The following BOLL variants were observed in gnomAD, a reference collection of about 807,000 sequenced individuals.
The protein encoded by BOLL is boule RNA binding protein.
In BOLL, 23 loss-of-function variants were observed where a neutral mutation model predicts 44.4. The observed-to-expected ratio is 0.52, with a 90% confidence interval of 0.37 to 0.73. The LOEUF (loss-of-function observed/expected upper bound fraction) is 0.73, where lower values mean the gene tolerates loss of function less well. Among genes scored for constraint, BOLL ranks in the 30% least tolerant of loss-of-function variants. The pLI is 0.00. For synonymous variants in BOLL, 97 were observed against 110.8 expected, an observed-to-expected ratio of 0.88 and a Z score of 0.78; for missense variants, 287 against 338.3, an observed-to-expected ratio of 0.85 and a Z score of 1.19.
chr2:197,766,590 C>T lies in BOLL; in HGVS notation c.494G>A (p.Cys165Tyr). 1 of 1,611,988 alleles carries T rather than the reference C, an allele frequency of 6.2e-7. No individual in the cohort carries two copies. The highest frequency in any genetic ancestry group is 1.1e-5 in the South Asian group (1 of 90,836). Residue 165 changes from cysteine to tyrosine, a missense_variant, in exon 7 of 11, where the codon TGT becomes TAT. Coordinates refer to ENST00000392296, the MANE Select transcript of BOLL (RefSeq NM_033030.6). ...CTGAGCTACCATCACAGGGGAGCTA[C>T]ATACAGAACGTGACTATAAAAGGAT... Reference protein sequence around the residue: ...VPPPWPSRSVCSSPVMVAQPI... With the variant: ...VPPPWPSRSVYSSPVMVAQPI...
intron 7 of BOLL, among the ~76,000 whole-genome samples, chr2:197,763,567 G>A (rs1462826603): frequency 2.0e-5 from 3 of 149,596 alleles, no homozygotes; most frequent in African/African-American, 7.4e-5. Flanking sequence ...TTCCAACAAA[G>A]AAAAGTCCAG....
At chr2:197,756,667 T>C in intron 8 of BOLL, 111 bp from the exon 9 acceptor site, 25 of 1,109,876 alleles carry the variant, frequency 2.3e-5, no homozygotes, top group Non-Finnish European at 2.8e-5. Context: ...TACTAAATTT[T>C]TTTTTAGGAA....
chr2:197,778,951 T>C (rs968154190), intron 3 of BOLL, 24 bp downstream of exon 3: 3 of 1,573,858 alleles, frequency 1.9e-6, no homozygotes, highest in African/African-American at 2.7e-5. Context: ...GCTAATTCCA[T>C]AGACAATCTA....
At chr2:197,785,388 C>G, upstream of BOLL, 1 of 986,032 alleles carries the variant, frequency 1.0e-6, no homozygotes, top group Non-Finnish European at 1.2e-6. The surrounding 1 kb of genome is among the most constrained non-coding windows in gnomAD (Gnocchi z 6.7). Flanking sequence ...CGGGATGGCA[C>G]GTTGCCGCTG....
At chr2:197,773,715 C>T (rs1689374912) in intron 5 of BOLL, among the ~76,000 whole-genome samples, 1 of 151,826 alleles carries the variant, frequency 6.6e-6, no homozygotes, top group Admixed American at 6.6e-5. Flanking sequence ...AAGAAGGCTA[C>T]ATGGCTAAAG....
chr2:197,744,173 A>G (rs1687891087), intron 9 of BOLL, among the ~76,000 whole-genome samples: 1 of 152,144 alleles, frequency 6.6e-6, no homozygotes, highest in Non-Finnish European at 1.5e-5. Flanking sequence ...GGACATCTCA[A>G]TTCGGTCTTA....
chr2:197,767,237 C>A lies in BOLL; in HGVS notation c.481-634G>T, dbSNP rs142630048. 1.2e-3 allele frequency among the ~76,000 whole-genome samples: 183 copies of A among 152,012 alleles called. 3 individuals carry two copies. The highest frequency in any genetic ancestry group is 4.1e-3 in the African/African-American group (172 of 41,508). ...CAAAACAGATTACTTAAAACCAGAT[C>A]TTTAATAAAACAGGCAAGTTGTATT... On this transcript the variant is annotated intron_variant, in intron 6 of 10. Coordinates refer to ENST00000392296, the MANE Select transcript of BOLL (RefSeq NM_033030.6).
At chr2:197,763,261 T>A (rs1688841310) in intron 7 of BOLL, among the ~76,000 whole-genome samples, 1 of 152,020 alleles carries the variant, frequency 6.6e-6, no homozygotes, top group Non-Finnish European at 1.5e-5. Flanking sequence ...GGCGGGCAGA[T>A]CACGAGGTCA....
chr2:197,783,190 T>G (rs1218258667), intron 1 of BOLL, among the ~76,000 whole-genome samples: 1 of 152,128 alleles, frequency 6.6e-6, no homozygotes, highest in Non-Finnish European at 1.5e-5. Flanking sequence ...TGTTGTGGCT[T>G]GTGCCTGTAA....
intron 6 of BOLL, 151 bp from the exon 7 acceptor site, chr2:197,766,754 TCTA>T (rs1402796924): frequency 1.9e-5 from 11 of 592,490 alleles, no homozygotes; most frequent in African/African-American, 9.4e-5. Context: ...GATTACCAAC[TCTA>T]CTAAGTCTAT....
intron 9 of BOLL, among the ~76,000 whole-genome samples, chr2:197,745,054 G>A (rs1361716093): frequency 6.6e-6 from 1 of 152,206 alleles, no homozygotes; most frequent in Non-Finnish European, 1.5e-5. Context: ...GGTAAAGTTT[G>A]TGTTTCAGGG....
chr2:197,773,269 G>C (rs1299029441), intron 5 of BOLL, among the ~76,000 whole-genome samples: 1 of 151,174 alleles, frequency 6.6e-6, no homozygotes, highest in Admixed American at 6.6e-5. Flanking sequence ...ATTCAATAAT[G>C]GTTCATTATT....
At chr2:197,738,065 C>T (rs1212503259) in intron 10 of BOLL, among the ~76,000 whole-genome samples, 23 of 152,070 alleles carry the variant, frequency 1.5e-4, no homozygotes, top group Admixed American at 1.5e-3. Flanking sequence ...AAAACCAAAA[C>T]ACTTGAGAAT....
chr2:197,777,001 G>C, intron 4 of BOLL, 58 bp downstream of exon 4: 1 of 1,317,996 alleles, frequency 7.6e-7, no homozygotes, highest in African/African-American at 1.5e-5. Flanking sequence ...ACCCCGAAAA[G>C]ATTAGTTTCA....
intron 9 of BOLL, among the ~76,000 whole-genome samples, chr2:197,754,679 A>G (rs1044279560): frequency 1.3e-5 from 2 of 148,794 alleles, no homozygotes; most frequent in Non-Finnish European, 3.0e-5. Flanking sequence ...ACACCATTGC[A>G]CTCTAGCCTG....
chr2:197,763,306 C>T (rs1195185915), intron 7 of BOLL, among the ~76,000 whole-genome samples: 1 of 151,814 alleles, frequency 6.6e-6, no homozygotes, highest in Admixed American at 6.5e-5. Flanking sequence ...CAGGGTGAAA[C>T]CCCGTCTCTA....
chr2:197,743,999 CG>C (rs1321818674), intron 9 of BOLL, among the ~76,000 whole-genome samples: 1 of 152,058 alleles, frequency 6.6e-6, no homozygotes, highest in Non-Finnish European at 1.5e-5. Context: ...TTAGTAGAGA[CG>C]GGGTTTCACC....
At chr2:197,756,394 G>A (rs745471535) in intron 9 of BOLL, 34 bp downstream of exon 9, 1 of 1,518,064 alleles carries the variant, frequency 6.6e-7, no homozygotes, top group South Asian at 1.3e-5. Flanking sequence ...ACATGAGGTA[G>A]TTATAGATCA....
At chr2:197,754,403 C>G (rs550153826) in intron 9 of BOLL, among the ~76,000 whole-genome samples, 1 of 152,072 alleles carries the variant, frequency 6.6e-6, no homozygotes, top group Admixed American at 6.6e-5. Context: ...AAATGTAAAA[C>G]CCGAAACTAT....
Sources: allele counts gnomAD v4.1 joint callset (sites outside exome capture counted in the v4.1 genomes callset), GRCh38; gene constraint gnomAD v4.1.1; non-coding constraint Gnocchi (gnomAD v3.1); transcripts MANE v1.5; gene names NCBI Gene and HGNC (gene_info 2026-07-23, HGNC 2026-07-21).